HAUS2: variants seen among roughly 807,000 people sequenced by gnomAD.
HAUS2 encodes the protein HAUS augmin-like complex subunit 2.
HAUS2 carries 20 observed loss-of-function variants against 21.6 expected under a neutral mutation model. The observed-to-expected ratio is 0.93, with a 90% CI of 0.65 to 1.35. The LOEUF is 1.35. Ranked by LOEUF, HAUS2 falls within the 40% of genes most tolerant of loss-of-function variation. The pLI is 0.00. For missense variants in HAUS2, 297 were observed against 280.7 expected (o/e 1.06, Z -0.42); for synonymous variants, 113 against 95.6 (o/e 1.18, Z -1.06).
intron 1 of HAUS2, among the ~76,000 whole-genome samples, chr15:42,552,275 C>T (rs965902415): frequency 6.6e-6 from 1 of 152,138 alleles, no homozygotes; most frequent in African/African-American, 2.4e-5. Context: ...CCACCCGCCT[C>T]GGCCTCCCAA....
chr15:42,553,113 A>G (rs2057741284), intron 1 of HAUS2, among the ~76,000 whole-genome samples: 1 of 151,812 alleles, frequency 6.6e-6, no homozygotes, highest in Admixed American at 6.6e-5. Flanking sequence ...CAGCCTCCCA[A>G]GTAGCTGAGA....
chr15:42,562,814 T>G (rs545993763), intron 4 of HAUS2, among the ~76,000 whole-genome samples: 161 of 152,158 alleles, frequency 1.1e-3, no homozygotes, highest in Non-Finnish European at 1.7e-3. Context: ...ATGAGTAAGT[T>G]GAAATGGAAT....
At chr15:42,561,228 G>A (rs557991279) in intron 3 of HAUS2, 42 bp from the exon 4 acceptor site, 3 of 1,242,104 alleles carry the variant, frequency 2.4e-6, no homozygotes, top group Non-Finnish European at 3.5e-6. Flanking sequence ...TCTGTTATTT[G>A]TCCTATTGCT....
At chr15:42,564,661 G>C (rs1015326197) in intron 5 of HAUS2, among the ~76,000 whole-genome samples, 2 of 152,098 alleles carry the variant, frequency 1.3e-5, no homozygotes, top group East Asian at 3.9e-4. Flanking sequence ...TTTTTGTTTT[G>C]TTTTTTAAAT....
At chr15:42,549,765 CAAAAA>C (rs58614126) in intron 1 of HAUS2, among the ~76,000 whole-genome samples, 4 of 58,112 alleles carry the variant, frequency 6.9e-5, no homozygotes, top group East Asian at 1.2e-3. Flanking sequence ...TCTTTAAAGG[CAAAAA>C]AAAAAAAAAA....
At position 42,563,838 on chromosome 15, in the gene HAUS2, C is replaced by A; in HGVS notation, c.479C>A (p.Ala160Asp). ...ACAATTAGAAATATTCCTCATTTAG[C>A]TGCAAATCTAAAGAAAATGGTGAGT... ...LETIRNIPHL[A>D]ANLKKMNQAL... Residue 160 changes from alanine (A) to aspartate (D), a missense_variant, in exon 5 of 6, where the codon GCT becomes GAT. Ala to Asp is a moderately radical substitution (Grantham distance 126). Transcript: ENST00000260372. 6.6e-7 allele frequency: 1 copy of A among 1,504,028 alleles called. No individual in the cohort carries two copies. Among genetic ancestry groups the A allele is most frequent in the Non-Finnish European group, 9.2e-7 (1 of 1,089,510 alleles). The allele number at this position is 1,504,028 out of a possible 1,614,324, so 93.2% of individuals were successfully genotyped here. A position where few individuals can be genotyped will look rare whatever the true frequency, so the allele number is the denominator to read the frequency against.
At chr15:42,555,810 G>A (rs1239367968) in intron 1 of HAUS2, among the ~76,000 whole-genome samples, 1 of 152,100 alleles carries the variant, frequency 6.6e-6, no homozygotes, top group African/African-American at 2.4e-5. Flanking sequence ...AAATATGTAA[G>A]GCTTTGTGGG....
chr15:42,557,205 A>G (rs2141596304), intron 1 of HAUS2, among the ~76,000 whole-genome samples: 1 of 143,296 alleles, frequency 7.0e-6, no homozygotes, highest in East Asian at 2.0e-4. Context: ...AGTCCCAGCT[A>G]CTCGGGAGGC....
In HAUS2 at chr15:42,548,921, G is replaced by A. The variant is rs541395607; in HGVS notation, c.49G>A (p.Gly17Arg). The A allele has an allele frequency of 1.0e-5, 16 of 1,552,066 alleles. No individual in the cohort carries two copies. In the African/African-American group the frequency reaches 1.9e-4, roughly 19 times the overall value. The change falls in exon 1 of 6, where the codon GGG (glycine) becomes AGG (arginine). Residue 17 changes from glycine (G) to arginine (R), a missense_variant. Transcript: ENST00000260372. ...CCCGGCGTCCGCGCCTAACGGCGCTGGGCTAGTGCTAGGCCACTTCATAGC... is the reference window on the plus strand; with the variant it reads ...CCCGGCGTCCGCGCCTAACGGCGCTAGGCTAGTGCTAGGCCACTTCATAGC... ...WDPASAPNGA[G>R]LVLGHFIASG...
intron 1 of HAUS2, among the ~76,000 whole-genome samples, chr15:42,556,456 G>C (rs931251262): frequency 1.4e-5 from 2 of 145,732 alleles, no homozygotes; most frequent in African/African-American, 5.1e-5. Context: ...GTAGAGACGG[G>C]GTTTCACCAT....
At chr15:42,560,332 AG>A (rs1291172899) in intron 3 of HAUS2, among the ~76,000 whole-genome samples, 1 of 152,172 alleles carries the variant, frequency 6.6e-6, no homozygotes, top group African/African-American at 2.4e-5. Flanking sequence ...AACGTTTTAC[AG>A]GTAAAAAATA....
At chr15:42,558,677 G>T (rs760799544) in intron 2 of HAUS2, among the ~76,000 whole-genome samples, 1 of 151,934 alleles carries the variant, frequency 6.6e-6, no homozygotes. Flanking sequence ...ACAAAAGTTG[G>T]CCAGATGTAG....
intron 5 of HAUS2, among the ~76,000 whole-genome samples, chr15:42,565,633 A>C (rs2057898438): frequency 6.6e-6 from 1 of 152,126 alleles, no homozygotes; most frequent in Non-Finnish European, 1.5e-5. Context: ...TCTACGTTTT[A>C]ACAAGTTCCT....
intron 1 of HAUS2, among the ~76,000 whole-genome samples, chr15:42,549,788 A>AC (rs2057702378): frequency 6.7e-6 from 1 of 149,554 alleles, no homozygotes; most frequent in Non-Finnish European, 1.5e-5. Flanking sequence ...AAAAAAAAAA[A>AC]AGTATTGGCT....
At chr15:42,550,951 G>C (rs529750192) in intron 1 of HAUS2, among the ~76,000 whole-genome samples, 1 of 150,838 alleles carries the variant, frequency 6.6e-6, no homozygotes, top group East Asian at 2.0e-4. Flanking sequence ...ACAGGCGTGA[G>C]CCACTGCACC....
chr15:42,563,410 CAAAAAAAA>C (rs745358598), intron 4 of HAUS2, among the ~76,000 whole-genome samples: 2 of 59,346 alleles, frequency 3.4e-5, no homozygotes, highest in Non-Finnish European at 7.0e-5. Context: ...GACTCCATCT[CAAAAAAAA>C]AAAAAAAAAA....
intron 1 of HAUS2, among the ~76,000 whole-genome samples, chr15:42,557,619 G>A (rs1282660274): frequency 6.6e-6 from 1 of 150,724 alleles, no homozygotes; most frequent in African/African-American, 2.4e-5. Context: ...TCAATTCTGA[G>A]ATAATGTGCA....
At chr15:42,553,698 A>C (rs2057746973) in intron 1 of HAUS2, among the ~76,000 whole-genome samples, 1 of 152,158 alleles carries the variant, frequency 6.6e-6, no homozygotes, top group Non-Finnish European at 1.5e-5. Context: ...GCTAAGCACC[A>C]TTACTCTATT....
At position 42,563,449 on chromosome 15, in the gene HAUS2, G is replaced by T. The variant is rs566388922; in HGVS notation, c.390-300G>T. Among the ~76,000 whole-genome samples the T allele has an allele frequency of 1.4e-4, 22 of 151,774 alleles. No homozygotes were observed. In the South Asian group the frequency reaches 3.3e-3, roughly 23 times the overall value. ...AAAAAAGAAAAGAAAATGGAATGGGGTTTTTTTATCTAGGGAGAAAATGAT... is the reference window on the plus strand; with the variant it reads ...AAAAAAGAAAAGAAAATGGAATGGGTTTTTTTTATCTAGGGAGAAAATGAT... On this transcript the variant is annotated intron_variant, in intron 4 of 5. Transcript: ENST00000260372.
Sources: allele counts gnomAD v4.1 joint callset (sites outside exome capture counted in the v4.1 genomes callset), GRCh38; gene constraint gnomAD v4.1.1; transcripts MANE v1.5; gene names NCBI Gene and HGNC (gene_info 2026-07-23, HGNC 2026-07-21).